Variants in ZNF532 observed in about 807,000 individuals in gnomAD.
The protein encoded by ZNF532 is zinc finger protein 532.
In ZNF532, 22 loss-of-function variants were observed where a neutral mutation model predicts 89.3. The ratio of observed to expected loss-of-function variants is 0.25; its 90% CI spans 0.18 to 0.35. ZNF532 has a LOEUF of 0.35. Ranked by LOEUF, ZNF532 falls within the 10% of genes least tolerant of loss-of-function variation. The pLI is 1.00. For missense variants in ZNF532, 1,132 were observed against 1,643.4 expected, an observed-to-expected ratio of 0.69 and a Z score of 5.38; for synonymous variants, 606 against 649.6, an observed-to-expected ratio of 0.93 and a Z score of 1.02.
chr18:58,977,935 T>G (rs2067242518), intron 7 of ZNF532, among the ~76,000 whole-genome samples: 1 of 152,206 alleles, frequency 6.6e-6, no homozygotes, highest in Non-Finnish European at 1.5e-5. Flanking sequence ...CCCACTTCAG[T>G]CTTTAATGAG....
intron 3 of ZNF532, among the ~76,000 whole-genome samples, chr18:58,923,484 A>T (rs913089683): frequency 6.6e-6 from 1 of 151,894 alleles, no homozygotes; most frequent in Non-Finnish European, 1.5e-5. Context: ...CCTTGGTTCT[A>T]GGGGCTCAGT....
chr18:58,917,773 T>A (rs2060713143), intron 2 of ZNF532, among the ~76,000 whole-genome samples: 1 of 152,150 alleles, frequency 6.6e-6, no homozygotes, highest in African/African-American at 2.4e-5. Context: ...GGATGCTGAT[T>A]TCTTTCTTCT....
At chr18:58,942,257 C>T (rs1022174760) in intron 5 of ZNF532, among the ~76,000 whole-genome samples, 6 of 149,658 alleles carry the variant, frequency 4.0e-5, no homozygotes, top group Admixed American at 1.3e-4. Flanking sequence ...CTCCTGACCT[C>T]GTGATCCGCC....
At chr18:58,964,848 C>G (rs975319591) in intron 7 of ZNF532, among the ~76,000 whole-genome samples, 2 of 151,678 alleles carry the variant, frequency 1.3e-5, no homozygotes, top group African/African-American at 4.8e-5. Flanking sequence ...CTCAAGTGAT[C>G]CTCCAGCCTT....
intron 2 of ZNF532, among the ~76,000 whole-genome samples, chr18:58,881,362 C>T (rs1304880209): frequency 6.6e-6 from 1 of 152,134 alleles, no homozygotes; most frequent in Non-Finnish European, 1.5e-5. Context: ...TCTTGAACTC[C>T]TGACCTCAGC....
intron 2 of ZNF532, among the ~76,000 whole-genome samples, chr18:58,894,588 T>C (rs191105807): frequency 3.3e-5 from 5 of 152,284 alleles, no homozygotes; most frequent in Non-Finnish European, 5.9e-5. Flanking sequence ...GTTGTGGGTA[T>C]TAATTTGCTA....
At chr18:58,888,752 TATAAAA>T (rs2058544573) in intron 2 of ZNF532, among the ~76,000 whole-genome samples, 1 of 40,156 alleles carries the variant, frequency 2.5e-5, no homozygotes, top group Non-Finnish European at 3.9e-5. Context: ...TTTATATATA[TATAAAA>T]TTAATATATA....
intron 2 of ZNF532, among the ~76,000 whole-genome samples, chr18:58,890,775 TCCTCTTCCTCAGACCTCTTTA>T (rs2058840783): frequency 6.6e-6 from 1 of 151,780 alleles, no homozygotes; most frequent in South Asian, 2.1e-4. Context: ...CTCCACCTCT[TCCTCTTCCTCAGACCTCTTTA>T]CCTCTTCTTC....
intron 2 of ZNF532, among the ~76,000 whole-genome samples, chr18:58,904,179 T>C (rs1275619187): frequency 1.3e-5 from 2 of 151,988 alleles, no homozygotes; most frequent in African/African-American, 2.4e-5. Flanking sequence ...AGTGAGACCT[T>C]GTATCTACAA....
intron 2 of ZNF532, among the ~76,000 whole-genome samples, chr18:58,887,157 G>A (rs1045729150): frequency 2.6e-5 from 4 of 152,006 alleles, no homozygotes; most frequent in African/African-American, 7.2e-5. Flanking sequence ...GGCTTATTCC[G>A]CAACACAGTT....
At position 58,896,994 on chromosome 18, in the gene ZNF532, G is replaced by C. The variant is rs143200355; in HGVS notation, c.-17-21277G>C. On this transcript the variant is annotated intron_variant, in intron 2 of 9. Transcript: ENST00000591808. The stretch of plus-strand genomic sequence containing the variant: ...TATGGACTGCGCTCTTCAAAGGGCT[G>C]TGGTTTTGTTCTGGGGTCTAGTCTT... Among the ~76,000 whole-genome samples, 165 of 152,354 alleles carry C rather than the reference G, an allele frequency of 1.1e-3. 1 individual carries two copies. Among genetic ancestry groups the C allele is most frequent in the African/African-American group, 3.7e-3 (155 of 41,592 alleles).
intron 2 of ZNF532, among the ~76,000 whole-genome samples, chr18:58,907,620 G>A (rs775127586): frequency 3.3e-5 from 5 of 151,814 alleles, no homozygotes; most frequent in Non-Finnish European, 5.9e-5. Context: ...TCATAATTTT[G>A]TGGTCATTTG....
At chr18:58,867,594 C>T (rs563804961) in intron 2 of ZNF532, among the ~76,000 whole-genome samples, 3 of 152,128 alleles carry the variant, frequency 2.0e-5, no homozygotes, top group South Asian at 2.1e-4. Context: ...AGGGGGGACC[C>T]GGTGCCTGCA....
At chr18:58,907,915 A>G (rs1056883867) in intron 2 of ZNF532, among the ~76,000 whole-genome samples, 4 of 152,178 alleles carry the variant, frequency 2.6e-5, no homozygotes, top group Non-Finnish European at 5.9e-5. Context: ...CAGTCTGACT[A>G]GGAAGGTTAA....
At chr18:58,966,537 G>C (rs1036405868) in intron 7 of ZNF532, among the ~76,000 whole-genome samples, 1 of 151,800 alleles carries the variant, frequency 6.6e-6, no homozygotes, top group Non-Finnish European at 1.5e-5. Context: ...GAACCATAAG[G>C]TTTGCCCTCT....
At chr18:58,925,905 G>A (rs2061484753) in intron 3 of ZNF532, among the ~76,000 whole-genome samples, 2 of 152,174 alleles carry the variant, frequency 1.3e-5, no homozygotes, top group Non-Finnish European at 2.9e-5. Context: ...AGGCATTTGT[G>A]TGGGGCTATT....
intron 2 of ZNF532, among the ~76,000 whole-genome samples, chr18:58,870,264 A>G (rs2056870527): frequency 6.6e-6 from 1 of 152,162 alleles, no homozygotes; most frequent in Non-Finnish European, 1.5e-5. Context: ...ACAGGAGTGC[A>G]GAGGGAAAAG....
chr18:58,981,659 G>T (rs2067780090), intron 9 of ZNF532, 42 bp downstream of exon 9: 1 of 1,609,224 alleles, frequency 6.2e-7, no homozygotes, highest in Admixed American at 1.7e-5. Context: ...AAATTGTGTT[G>T]ACTTGCTTTT....
intron 7 of ZNF532, among the ~76,000 whole-genome samples, chr18:58,967,706 G>T (rs1408817731): frequency 1.3e-5 from 2 of 152,080 alleles, no homozygotes; most frequent in African/African-American, 4.8e-5. Flanking sequence ...CACGGCATTC[G>T]GTCTCCCACG....
Sources: gnomAD v4.1 joint callset for allele counts (sites outside exome capture counted in the v4.1 genomes callset) on GRCh38, gnomAD v4.1.1 for gene constraint, MANE v1.5 for transcripts, NCBI Gene and HGNC (gene_info 2026-07-23, HGNC 2026-07-21) for gene names.